The following GRIK4 variants were observed in gnomAD, a reference collection of about 807,000 sequenced individuals.
GRIK4 encodes the protein glutamate ionotropic receptor kainate type subunit 4.
Under a neutral mutation model 104.9 loss-of-function variants are expected in GRIK4, and 40 were observed. The ratio of observed to expected loss-of-function variants is 0.38; its 90% confidence interval spans 0.30 to 0.50. The LOEUF (loss-of-function observed/expected upper bound fraction) is 0.50. Ranked by LOEUF, GRIK4 falls within the 20% of genes least tolerant of loss-of-function variation. The pLI is 0.93. For synonymous variants in GRIK4, 485 were observed against 524.9 expected, an observed-to-expected ratio of 0.92 and a Z score of 1.04; for missense variants, 1,047 against 1,308.1, an observed-to-expected ratio of 0.80 and a Z score of 3.08.
intron 9 of GRIK4, among the ~76,000 whole-genome samples, chr11:120,865,589 G>T (rs77105379): frequency 1.3e-5 from 2 of 152,108 alleles, no homozygotes; most frequent in East Asian, 3.9e-4. Flanking sequence ...AAGTGGAAAC[G>T]CAAAGACCTC....
intron 11 of GRIK4, among the ~76,000 whole-genome samples, chr11:120,883,470 G>C (rs1955026368): frequency 6.6e-6 from 1 of 152,166 alleles, no homozygotes; most frequent in Admixed American, 6.5e-5. Flanking sequence ...AAAAGGCTCT[G>C]AAATACTTTC....
At chr11:120,662,186 G>C (rs1949828520) in intron 3 of GRIK4, among the ~76,000 whole-genome samples, 1 of 152,214 alleles carries the variant, frequency 6.6e-6, no homozygotes, top group Non-Finnish European at 1.5e-5. Context: ...TGCCACAACA[G>C]AGGGCTTCAA....
intron 11 of GRIK4, among the ~76,000 whole-genome samples, chr11:120,889,233 C>T (rs925185758): frequency 2.0e-5 from 3 of 152,158 alleles, no homozygotes; most frequent in Admixed American, 6.5e-5. Flanking sequence ...TCCCTCGTGC[C>T]AAGGTGTTCA....
At chr11:120,818,357 G>A (rs1165943443) in intron 5 of GRIK4, among the ~76,000 whole-genome samples, 1 of 151,864 alleles carries the variant, frequency 6.6e-6, no homozygotes, top group African/African-American at 2.4e-5. Flanking sequence ...AGGTCTGTTT[G>A]TTATTCACTT....
Position 120,666,438 on chromosome 11 carries a change from C to T in GRIK4, c.82+6038C>T, listed in dbSNP as rs56383360. 9.4e-3 allele frequency among the ~76,000 whole-genome samples: 1,433 copies of T among 152,264 alleles called. 16 individuals carry two copies. The highest frequency in any genetic ancestry group is 0.054 in the South Asian group (258 of 4,816). ...ATGCCACCAGGGGCCAGTGTGGCGA[C>T]GCCTGGGGGCTCACAAAACGAGGCA... On this transcript the variant is annotated intron_variant, in intron 3 of 20. Transcript: ENST00000527524.
intron 4 of GRIK4, among the ~76,000 whole-genome samples, chr11:120,806,512 C>T (rs926168645): frequency 2.0e-4 from 30 of 152,284 alleles, no homozygotes; most frequent in African/African-American, 7.0e-4. Flanking sequence ...GGACAACTGC[C>T]CTAACCCTAC....
chr11:120,965,006 G>A (rs1169848495), intron 18 of GRIK4, among the ~76,000 whole-genome samples: 4 of 152,176 alleles, frequency 2.6e-5, no homozygotes, highest in African/African-American at 7.2e-5. Flanking sequence ...TCCCACATGA[G>A]GCTGGAAAGA....
chr11:120,864,441 C>T (rs962851978), intron 9 of GRIK4, among the ~76,000 whole-genome samples: 2 of 151,918 alleles, frequency 1.3e-5, no homozygotes, highest in African/African-American at 2.4e-5. Flanking sequence ...GGGGTTTCAC[C>T]GTGTTAGCCA....
At chr11:120,651,879 A>T (rs558218337) in intron 1 of GRIK4, among the ~76,000 whole-genome samples, 2 of 152,320 alleles carry the variant, frequency 1.3e-5, no homozygotes, top group Admixed American at 1.3e-4. Flanking sequence ...AGCTTGACTT[A>T]TTCTCCAACA....
chr11:120,831,849 C>T lies in GRIK4; in HGVS notation c.512-3C>T. On this transcript the variant is annotated splice_polypyrimidine_tract_variant and splice_region_variant and intron_variant, in intron 6 of 20. Coordinates refer to ENST00000527524, the MANE Select transcript of GRIK4 (RefSeq NM_014619.5). Reference sequence around the variant, plus strand: ...CAGGGGCTTCATCCTCTCTCCCCTCCAGGCCTTTTAAACCTAGAGAAGCTG... The same window carrying T: ...CAGGGGCTTCATCCTCTCTCCCCTCTAGGCCTTTTAAACCTAGAGAAGCTG... 6.2e-7 allele frequency: 1 copy of T among 1,612,000 alleles called. No homozygotes were observed. Among genetic ancestry groups the T allele is most frequent in the Non-Finnish European group, 8.5e-7 (1 of 1,178,338 alleles).
chr11:120,797,409 C>G (rs1293293086), intron 3 of GRIK4, among the ~76,000 whole-genome samples: 1 of 152,220 alleles, frequency 6.6e-6, no homozygotes, highest in East Asian at 1.9e-4. Flanking sequence ...CACATTAAGT[C>G]TTGAGCAAGC....
chr11:120,591,174 C>A (rs1229306147), intron 1 of GRIK4, among the ~76,000 whole-genome samples: 7 of 151,820 alleles, frequency 4.6e-5, no homozygotes, highest in African/African-American at 1.7e-4. Flanking sequence ...CACATCTCCT[C>A]CCTTGACTGT....
At chr11:120,648,303 T>C (rs1261470048) in intron 1 of GRIK4, among the ~76,000 whole-genome samples, 1 of 152,214 alleles carries the variant, frequency 6.6e-6, no homozygotes, top group Non-Finnish European at 1.5e-5. Flanking sequence ...TTCTGTAAAC[T>C]GTGTCAAATG....
At chr11:120,975,021 G>A (rs905657060) in intron 19 of GRIK4, among the ~76,000 whole-genome samples, 2 of 152,166 alleles carry the variant, frequency 1.3e-5, no homozygotes, top group Non-Finnish European at 2.9e-5. Flanking sequence ...AAAGGTGGTC[G>A]GTGAACTCCA....
At chr11:120,529,105 G>A (rs1040063369) in intron 1 of GRIK4, among the ~76,000 whole-genome samples, 2 of 151,706 alleles carry the variant, frequency 1.3e-5, no homozygotes, top group African/African-American at 4.9e-5. Flanking sequence ...CTTTCCTGAC[G>A]CCTCCCTGAG....
intron 3 of GRIK4, among the ~76,000 whole-genome samples, chr11:120,785,022 T>C (rs1440859445): frequency 6.6e-6 from 1 of 152,118 alleles, no homozygotes; most frequent in Non-Finnish European, 1.5e-5. Flanking sequence ...CTGGCATCTT[T>C]GTCTGCACTA....
chr11:120,861,826 AC>A, intron 8 of GRIK4, 132 bp from the exon 9 acceptor site: 1 of 704,566 alleles, frequency 1.4e-6, no homozygotes, highest in Admixed American at 2.3e-5. Flanking sequence ...TTAACTCTGG[AC>A]CCCTAGGTCC....
intron 1 of GRIK4, among the ~76,000 whole-genome samples, chr11:120,558,527 G>A (rs1948208924): frequency 6.6e-6 from 1 of 152,222 alleles, no homozygotes; most frequent in Non-Finnish European, 1.5e-5. Context: ...TGCAGAGGTT[G>A]CAGTGAGCTG....
chr11:120,778,279 A>T (rs938286354), intron 3 of GRIK4, among the ~76,000 whole-genome samples: 3 of 152,216 alleles, frequency 2.0e-5, no homozygotes, highest in Non-Finnish European at 4.4e-5. Flanking sequence ...GGAGTTGAAA[A>T]GTGTCTTTGA....
Sources: gnomAD v4.1 joint callset for allele counts (sites outside exome capture counted in the v4.1 genomes callset) on GRCh38, gnomAD v4.1.1 for gene constraint, MANE v1.5 for transcripts, NCBI Gene and HGNC (gene_info 2026-07-23, HGNC 2026-07-21) for gene names.